The following CRYBG3 variants were observed in gnomAD, a reference collection of about 807,000 sequenced individuals.
CRYBG3 encodes the protein crystallin beta-gamma domain containing 3.
CRYBG3 carries 127 observed loss-of-function variants against 244.2 expected under a neutral mutation model. The observed-to-expected ratio is 0.52, with a 90% confidence interval of 0.45 to 0.60. The LOEUF (loss-of-function observed/expected upper bound fraction) is 0.60, where lower values mean the gene tolerates loss of function less well. CRYBG3 is among the 20% of genes least tolerant of loss of function. The pLI, the probability that CRYBG3 is intolerant of heterozygous loss-of-function variation, is 0.00. For missense variants in CRYBG3, 3,325 were observed against 3,442.5 expected (o/e 0.97, Z 0.85); for synonymous variants, 1,132 against 1,195.8 (o/e 0.95, Z 1.10).
chr3:97,900,420 A>G lies in CRYBG3; in HGVS notation c.7972-33A>G, dbSNP rs756133726. 7 of 1,452,372 alleles carry G rather than the reference A, an allele frequency of 4.8e-6. No individual in the cohort carries two copies. In the Admixed American group the frequency reaches 1.1e-4, roughly 22 times the overall value. 90.0% of individuals were successfully genotyped at this position (1,452,372 alleles called of 1,614,324 possible). On this transcript the variant is annotated intron_variant, in intron 14 of 21. Coordinates refer to ENST00000389622, the MANE Select transcript of CRYBG3 (RefSeq NM_153605.4). ...TTTCAAAAAGACAGATTATGTGATT[A>G]CAATTTTGAAAATGTTTTAATATGT... is the stretch of plus-strand genomic sequence containing the variant.
At chr3:97,909,666 T>TTC (rs2039838781) in intron 15 of CRYBG3, among the ~76,000 whole-genome samples, 1 of 151,976 alleles carries the variant, frequency 6.6e-6, no homozygotes, top group Admixed American at 6.6e-5. Flanking sequence ...TTTTTCAAAG[T>TTC]TTTCAACTTC....
chr3:97,888,698 A>G (rs1399742329), intron 9 of CRYBG3, among the ~76,000 whole-genome samples: 2 of 152,220 alleles, frequency 1.3e-5, no homozygotes, highest in Non-Finnish European at 2.9e-5. Context: ...TGGTTAGTCC[A>G]TGCCCCTTAA....
At chr3:97,926,913 C>T (rs187199224) in intron 17 of CRYBG3, among the ~76,000 whole-genome samples, 2 of 151,782 alleles carry the variant, frequency 1.3e-5, no homozygotes, top group African/African-American at 4.8e-5. Flanking sequence ...TGAAAGAACT[C>T]AGAGACAACA....
At chr3:97,901,452 T>C (rs1462347695) in intron 15 of CRYBG3, among the ~76,000 whole-genome samples, 1 of 152,358 alleles carries the variant, frequency 6.6e-6, no homozygotes, top group South Asian at 2.1e-4. Context: ...AGCTTAGTTT[T>C]ACCAGGTTTG....
intron 2 of CRYBG3, among the ~76,000 whole-genome samples, chr3:97,853,440 T>G: frequency 7.3e-6 from 1 of 136,308 alleles, no homozygotes; most frequent in African/African-American, 2.6e-5. Context: ...CACACACACG[T>G]TTTCTTTATC....
rs1344693843 is a variant in CRYBG3, at chr3:97,873,204, T to C, written c.2010T>C (p.Asp670=). The part of the protein sequence containing the change: ...VSGVGMLSKL[D]IPDLMNEGSP... Reference sequence around the variant, plus strand: ...GAGTTGGGATGCTGAGCAAGTTGGATATTCCTGATTTAATGAATGAGGGTT... The same window carrying C: ...GAGTTGGGATGCTGAGCAAGTTGGACATTCCTGATTTAATGAATGAGGGTT... Residue 670 remains aspartate (D), a synonymous_variant, in exon 4 of 22, where the codon GAT becomes GAC. Transcript: ENST00000389622. The C allele has an allele frequency of 6.5e-7, 1 of 1,535,942 alleles. No homozygotes were observed. Among genetic ancestry groups the C allele is most frequent in the Non-Finnish European group, 8.7e-7 (1 of 1,146,798 alleles).
At chr3:97,865,299 AG>A in intron 3 of CRYBG3, among the ~76,000 whole-genome samples, 1 of 152,174 alleles carries the variant, frequency 6.6e-6, no homozygotes, top group South Asian at 2.1e-4. Context: ...GTAACTAGTA[AG>A]GTTCTGTTTT....
intron 2 of CRYBG3, among the ~76,000 whole-genome samples, chr3:97,853,568 A>G (rs1425508554): frequency 1.3e-5 from 2 of 152,162 alleles, no homozygotes; most frequent in African/African-American, 2.4e-5. Context: ...CTCTGGGTAG[A>G]TACCCAGTTG....
chr3:97,822,430 G>T, intron 1 of CRYBG3, 75 bp downstream of exon 1: 3 of 1,323,820 alleles, frequency 2.3e-6, no homozygotes, highest in South Asian at 1.6e-5. Context: ...CTGACCGCCG[G>T]CAGCGGGCCG....
chr3:97,880,775 TTC>T (rs2039435526), intron 6 of CRYBG3, among the ~76,000 whole-genome samples: 2 of 152,218 alleles, frequency 1.3e-5, no homozygotes, highest in African/African-American at 4.8e-5. Flanking sequence ...ACTGTATAGT[TTC>T]GTATAGACCA....
chr3:97,936,186 A>T (rs998092046), intron 18 of CRYBG3, among the ~76,000 whole-genome samples: 1 of 152,118 alleles, frequency 6.6e-6, no homozygotes, highest in African/African-American at 2.4e-5. Flanking sequence ...TGTTCCATTA[A>T]ATAAGTCTTG....
intron 2 of CRYBG3, among the ~76,000 whole-genome samples, chr3:97,862,721 A>G (rs1324538529): frequency 6.6e-6 from 1 of 152,118 alleles, no homozygotes; most frequent in Non-Finnish European, 1.5e-5. Context: ...GGTGGAGACA[A>G]CTGGAATCAA....
chr3:97,941,469 ATTAAC>A lies in CRYBG3; in HGVS notation c.8664+168_8664+172del, dbSNP rs558371112. Among the ~76,000 whole-genome samples the A allele has an allele frequency of 6.6e-3, 1,004 of 152,136 alleles. 10 individuals carry two copies. The highest frequency in any genetic ancestry group is 0.022 in the African/African-American group (932 of 41,548). ...TATATTACTAAAACATTTATATAAAATTAACTTAATTTTTTGAACAAGAAAATCCA... is the reference window on the plus strand; with the variant it reads ...TATATTACTAAAACATTTATATAAAATTAATTTTTTGAACAAGAAAATCCA... On this transcript the variant is annotated intron_variant, in intron 20 of 21. Transcript: ENST00000389622.
rs201775543 is a variant in CRYBG3, at chr3:97,877,670, A to G, written c.6476A>G (p.His2159Arg). ...GAGGAGGAGGAGGCAGCAGTATTGC[A>G]TAAAGGAGATCTGAGAGCTGGAAGT... ...EEEEEEAAVLHKGDLRAGSGE... is the reference protein window; with the variant it reads ...EEEEEEAAVLRKGDLRAGSGE... The change falls in exon 4 of 22, where the codon CAT (histidine) becomes CGT (arginine). Residue 2159 changes from histidine to arginine, a missense_variant. His to Arg is a conservative substitution (Grantham distance 29). Around this residue, in one of 4 missense-constraint regions of CRYBG3, gnomAD observed 450 missense variants for 424.1 expected, o/e 1.06. Coordinates refer to ENST00000389622, the MANE Select transcript of CRYBG3 (RefSeq NM_153605.4). 5,248 of 1,614,158 alleles carry G rather than the reference A, an allele frequency of 3.3e-3. 23 individuals are homozygous for G. Among genetic ancestry groups the G allele is most frequent in the South Asian group, 7.7e-3 (698 of 91,078 alleles).
intron 18 of CRYBG3, among the ~76,000 whole-genome samples, chr3:97,935,913 C>T (rs113150406): frequency 1.1e-3 from 161 of 152,234 alleles, no homozygotes; most frequent in African/African-American, 3.4e-3. Flanking sequence ...GCAGCCATCT[C>T]ATCCTGCACA....
intron 2 of CRYBG3, among the ~76,000 whole-genome samples, chr3:97,863,245 T>C (rs2039175971): frequency 6.6e-6 from 1 of 152,084 alleles, no homozygotes; most frequent in Admixed American, 6.6e-5. Context: ...TTTTTACAAT[T>C]ACGTAAGTGA....
At chr3:97,891,977 A>G (rs993146177) in intron 10 of CRYBG3, among the ~76,000 whole-genome samples, 2 of 152,198 alleles carry the variant, frequency 1.3e-5, no homozygotes, top group Admixed American at 6.5e-5. Context: ...AACTGTTGCC[A>G]CGACCCTTGC....
intron 10 of CRYBG3, among the ~76,000 whole-genome samples, chr3:97,890,770 T>C (rs2039567239): frequency 6.6e-6 from 1 of 152,156 alleles, no homozygotes; most frequent in Non-Finnish European, 1.5e-5. Flanking sequence ...TTGACATTTG[T>C]GCACAAATTA....
At chr3:97,925,355 G>A (rs2040027931) in intron 17 of CRYBG3, among the ~76,000 whole-genome samples, 1 of 152,010 alleles carries the variant, frequency 6.6e-6, no homozygotes, top group African/African-American at 2.4e-5. Flanking sequence ...AAATACTAAG[G>A]TTTGGCTTAG....
Sources: gnomAD v4.1 joint callset for allele counts (sites outside exome capture counted in the v4.1 genomes callset) on GRCh38, gnomAD v4.1.1 for gene constraint, gnomAD v4.1.1 regional missense constraint, MANE v1.5 for transcripts, NCBI Gene and HGNC (gene_info 2026-07-23, HGNC 2026-07-21) for gene names.